The following CEP112 variants were observed in gnomAD, a reference collection of about 807,000 sequenced individuals.
CEP112 encodes the protein centrosomal protein 112, also known as centrosomal protein of 112 kDa.
Under a neutral mutation model 153.0 loss-of-function variants are expected in CEP112, and 127 were observed. The observed-to-expected ratio is 0.83, with a 90% CI of 0.72 to 0.96. CEP112 has a LOEUF of 0.96. Ranked by LOEUF, CEP112 falls within the 40% of genes least tolerant of loss-of-function variation. The pLI, the probability that CEP112 is intolerant of heterozygous loss-of-function variation, is 0.00. For missense variants in CEP112, 1,089 were observed against 1,101.2 expected, an observed-to-expected ratio of 0.99 and a Z score of 0.16; for synonymous variants, 358 against 374.4, an observed-to-expected ratio of 0.96 and a Z score of 0.51.
At chr17:65,893,853 T>C (rs1420853771) in intron 20 of CEP112, among the ~76,000 whole-genome samples, 4 of 152,214 alleles carry the variant, frequency 2.6e-5, no homozygotes, top group Non-Finnish European at 2.9e-5. Context: ...TGATTCCAAT[T>C]AGTCCTGAAT....
chr17:66,084,462 T>C (rs1014933441), intron 8 of CEP112, among the ~76,000 whole-genome samples: 15 of 152,154 alleles, frequency 9.9e-5, no homozygotes, highest in East Asian at 5.8e-4. Flanking sequence ...ACATACACAA[T>C]GGAGTACTAC....
intron 17 of CEP112, among the ~76,000 whole-genome samples, chr17:65,970,302 G>C (rs574200296): frequency 8.6e-6 from 1 of 116,574 alleles, no homozygotes; most frequent in Non-Finnish European, 1.8e-5. Flanking sequence ...CATACTGCAT[G>C]TGTATCTCAT....
chr17:65,898,638 G>C (rs1461643187), intron 20 of CEP112, among the ~76,000 whole-genome samples: 1 of 152,070 alleles, frequency 6.6e-6, no homozygotes, highest in East Asian at 1.9e-4. Context: ...CCAATGTTTT[G>C]CAAGAGCCAC....
chr17:66,154,003 GAAA>G (rs59042292), intron 4 of CEP112, among the ~76,000 whole-genome samples: 2,402 of 134,318 alleles, frequency 0.018, 60 homozygotes, highest in African/African-American at 0.061. Context: ...TCTCTACTAA[GAAA>G]AAAAAAAAAA....
intron 17 of CEP112, among the ~76,000 whole-genome samples, chr17:65,995,680 TTC>T (rs1208236422): frequency 7.9e-5 from 12 of 152,184 alleles, no homozygotes; most frequent in Admixed American, 5.9e-4. Context: ...TTATTGAAAT[TTC>T]TCTTTTACAA....
At chr17:65,654,990 T>G (rs971357436) in intron 24 of CEP112, 28 of 695,088 alleles carry the variant, frequency 4.0e-5, no homozygotes, top group Non-Finnish European at 6.3e-5. Context: ...AAAGGGAACC[T>G]GATAGAAGAA....
chr17:66,105,736 G>A (rs1477467283), intron 6 of CEP112, among the ~76,000 whole-genome samples: 4 of 152,068 alleles, frequency 2.6e-5, no homozygotes, highest in African/African-American at 9.7e-5. Flanking sequence ...AGAGGTTGCA[G>A]TAGCCAAGAT....
intron 6 of CEP112, among the ~76,000 whole-genome samples, chr17:66,097,826 C>A (rs972286077): frequency 6.6e-6 from 1 of 152,168 alleles, no homozygotes; most frequent in Admixed American, 6.5e-5. Flanking sequence ...AATTAAAAAT[C>A]TCTACCGTGA....
chr17:66,043,729 T>G (rs1377141771), intron 12 of CEP112, among the ~76,000 whole-genome samples: 1 of 152,242 alleles, frequency 6.6e-6, no homozygotes, highest in Non-Finnish European at 1.5e-5. Context: ...ATTGTTTGCA[T>G]ATTTTCACTA....
chr17:66,038,946 C>T (rs887948941), intron 12 of CEP112, among the ~76,000 whole-genome samples: 2 of 152,002 alleles, frequency 1.3e-5, no homozygotes, highest in African/African-American at 4.8e-5. Flanking sequence ...GAGGCAACAA[C>T]GGCCAGGACT....
intron 6 of CEP112, among the ~76,000 whole-genome samples, chr17:66,109,539 T>C (rs2068929411): frequency 6.6e-6 from 1 of 152,074 alleles, no homozygotes; most frequent in Non-Finnish European, 1.5e-5. Flanking sequence ...AAAGATATAA[T>C]TTCTAATATA....
intron 19 of CEP112, among the ~76,000 whole-genome samples, chr17:65,909,535 C>A (rs1481223235): frequency 6.6e-6 from 1 of 152,166 alleles, no homozygotes; most frequent in African/African-American, 2.4e-5. Flanking sequence ...GTTGGTCATT[C>A]AGCTGCTGCT....
At chr17:65,780,930 C>T (rs2053961731) in intron 21 of CEP112, among the ~76,000 whole-genome samples, 1 of 151,906 alleles carries the variant, frequency 6.6e-6, no homozygotes, top group Admixed American at 6.6e-5. Flanking sequence ...AAATTTTTTA[C>T]TTTTTGGTTC....
intron 24 of CEP112, among the ~76,000 whole-genome samples, chr17:65,671,825 T>A (rs1485268981): frequency 6.6e-6 from 1 of 152,136 alleles, no homozygotes; most frequent in African/African-American, 2.4e-5. Context: ...AGGTAGCTAT[T>A]AGAAATCCTC....
At chr17:65,928,343 A>G (rs751058287) in intron 18 of CEP112, among the ~76,000 whole-genome samples, 21 of 152,236 alleles carry the variant, frequency 1.4e-4, no homozygotes, top group Non-Finnish European at 2.5e-4. Flanking sequence ...ATAAAATGGT[A>G]TAGACATGCT....
intron 23 of CEP112, among the ~76,000 whole-genome samples, chr17:65,695,827 A>G (rs1289883019): frequency 6.6e-6 from 1 of 152,186 alleles, no homozygotes; most frequent in Non-Finnish European, 1.5e-5. Flanking sequence ...CATTCCAGCA[A>G]CCCAAGAGCT....
chr17:65,842,389 G>T lies in CEP112; in HGVS notation c.2394+9415C>A, dbSNP rs149838468. Among the ~76,000 whole-genome samples the T allele has an allele frequency of 5.1e-3, 779 of 152,132 alleles. 8 individuals are homozygous for T. The highest frequency in any genetic ancestry group is 0.018 in the African/African-American group (733 of 41,510). ...GACTTTGAAGTTAAGCTATTGACTTGCTCTCCTGGATTGCCAGAAAATAAA... is the reference window on the plus strand; with the variant it reads ...GACTTTGAAGTTAAGCTATTGACTTTCTCTCCTGGATTGCCAGAAAATAAA... On this transcript the variant is annotated intron_variant, in intron 21 of 26. Transcript: ENST00000535342.
At chr17:65,954,553 T>C (rs905699737) in intron 18 of CEP112, among the ~76,000 whole-genome samples, 1 of 152,128 alleles carries the variant, frequency 6.6e-6, no homozygotes, top group Middle Eastern at 3.2e-3. Flanking sequence ...GGTCAATTAT[T>C]AAGCGAATCA....
chr17:65,869,767 A>G (rs56891466), intron 20 of CEP112, among the ~76,000 whole-genome samples: 21,310 of 151,482 alleles, frequency 0.14, 1,530 homozygotes, highest in African/African-American at 0.16. Flanking sequence ...TTGTATTTTT[A>G]GTAGAGACAG....
Sources: allele counts gnomAD v4.1 joint callset (sites outside exome capture counted in the v4.1 genomes callset), GRCh38; gene constraint gnomAD v4.1.1; transcripts MANE v1.5; gene names NCBI Gene and HGNC (gene_info 2026-07-23, HGNC 2026-07-21).